The following PEMT variants were observed in gnomAD, a reference collection of about 807,000 sequenced individuals.
The protein encoded by PEMT is phosphatidylethanolamine N-methyltransferase, also known as phospholipid methyltransferase.
PEMT carries 23 observed loss-of-function variants against 27.4 expected under a neutral mutation model. The observed-to-expected ratio is 0.84, with a 90% CI of 0.60 to 1.19. The LOEUF (loss-of-function observed/expected upper bound fraction) is 1.19. Among genes scored for constraint, PEMT ranks in the 50% most tolerant of loss-of-function variants. The pLI is 0.00. For synonymous variants in PEMT, 137 were observed against 139.1 expected, an observed-to-expected ratio of 0.98 and a Z score of 0.11; for missense variants, 307 against 310.1, an observed-to-expected ratio of 0.99 and a Z score of 0.07.
At chr17:17,591,723 C>A (rs548319269), upstream of PEMT, 40 of 1,491,848 alleles carry the variant, frequency 2.7e-5, no homozygotes, top group Non-Finnish European at 3.5e-5. Flanking sequence ...CCAGTCGGGG[C>A]GCTTTCCCGG....
intron 2 of PEMT, among the ~76,000 whole-genome samples, chr17:17,568,577 G>C (rs1910984763): frequency 6.6e-6 from 1 of 152,190 alleles, no homozygotes; most frequent in Admixed American, 6.5e-5. Context: ...CCGATGCCCA[G>C]GAAGGGGATG....
chr17:17,582,463 T>TTGTG lies in PEMT; in HGVS notation c.97-5440_97-5437dup. ...ATCTGCAGTGGGTCAACATGTCACA[T>TTGTG]TGTGACACATGGACAAACAGCAGGC... On this transcript the variant is annotated intron_variant, in intron 1 of 6. Transcript: ENST00000255389. The surrounding 1 kb of genome is among the most constrained non-coding windows in gnomAD (Gnocchi z 4.9). 2 of 979,338 alleles carry TTGTG rather than the reference T, an allele frequency of 2.0e-6. No individual in the cohort carries two copies. Among genetic ancestry groups the TTGTG allele is most frequent in the Non-Finnish European group, 2.4e-6 (2 of 824,360 alleles). 60.7% of individuals were successfully genotyped at this position (979,338 alleles called of 1,614,324 possible). A position where few individuals can be genotyped will look rare whatever the true frequency, so the allele number is the denominator to read the frequency against.
chr17:17,520,457 C>A (rs1487429770), intron 3 of PEMT, among the ~76,000 whole-genome samples: 1 of 152,232 alleles, frequency 6.6e-6, no homozygotes, highest in Non-Finnish European at 1.5e-5. Flanking sequence ...GCTGTAAAAC[C>A]TCGGGCAACC....
chr17:17,586,501 T>G lies in PEMT; in HGVS notation c.96+5030A>C, dbSNP rs112693667. ...GTATGCTCCCAAACCACCACAGAATTAAACTCGAAATCAGTCACAGAAAGC... is the reference window on the plus strand; with the variant it reads ...GTATGCTCCCAAACCACCACAGAATGAAACTCGAAATCAGTCACAGAAAGC... On this transcript the variant is annotated intron_variant, in intron 1 of 6. Coordinates refer to ENST00000255389, the MANE Select transcript of PEMT (RefSeq NM_148172.3). 1.4e-3 allele frequency among the ~76,000 whole-genome samples: 216 copies of G among 152,134 alleles called. 1 individual carries two copies. The highest frequency in any genetic ancestry group is 6.8e-3 in the Middle Eastern group (2 of 294).
chr17:17,506,257 A>G lies in PEMT; in HGVS notation c.623T>C (p.Leu208Pro). Residue 208 changes from leucine (L) to proline (P), a missense_variant, in exon 6 of 7, where the codon CTC becomes CCC. Leu to Pro is a moderately conservative substitution (Grantham distance 98, BLOSUM62 -3). Transcript: ENST00000255389. ...TGLLLTVLVA[L>P]TYIVALLYEE... ...GTATAGGAGAGCCACTATGTAGGTG[A>G]GGGCCACCAGCACCGTCAGGAGCAG... 2 of 1,584,650 alleles carry G rather than the reference A, an allele frequency of 1.3e-6. No individual in the cohort carries two copies. The highest frequency in any genetic ancestry group is 1.7e-6 in the Non-Finnish European group (2 of 1,164,784).
chr17:17,541,969 C>CTCTTTTT (rs542612851), intron 2 of PEMT, among the ~76,000 whole-genome samples: 1 of 152,230 alleles, frequency 6.6e-6, no homozygotes, highest in Non-Finnish European at 1.5e-5. Flanking sequence ...GCCCACCTTC[C>CTCTTTTT]TCTTTTTTCT....
chr17:17,591,345 ACG>A (rs1912576014), intron 1 of PEMT, 184 bp downstream of exon 1: 1 of 572,730 alleles, frequency 1.7e-6, no homozygotes, highest in East Asian at 3.0e-5. Context: ...GCGCGCGCAC[ACG>A]CACACACACA....
rs576843045 is a variant in PEMT, at chr17:17,588,894, A to C, written c.96+2637T>G. ...GGGCAACAAGGAGCAAAAGGGCCTT[A>C]GTCAGTGGGGCTGCAGCGGGCACAC... On this transcript the variant is annotated intron_variant, in intron 1 of 6. Coordinates refer to ENST00000255389, the MANE Select transcript of PEMT (RefSeq NM_148172.3). Among the ~76,000 whole-genome samples the C allele has an allele frequency of 1.9e-3, 283 of 152,348 alleles. 2 individuals are homozygous for C. Among genetic ancestry groups the C allele is most frequent in the Non-Finnish European group, 3.6e-3 (248 of 68,014 alleles).
intron 2 of PEMT, among the ~76,000 whole-genome samples, chr17:17,541,052 A>G (rs8081961): frequency 0.13 from 19,987 of 152,224 alleles, 2,331 homozygotes; most frequent in African/African-American, 0.31. Context: ...CTCGGCTGAG[A>G]CGGGGACAGA....
At chr17:17,522,442 T>A (rs1347773051) in intron 2 of PEMT, 47 bp from the exon 3 acceptor site, 1 of 1,014,686 alleles carries the variant, frequency 9.9e-7, no homozygotes, top group Non-Finnish European at 1.5e-6. Flanking sequence ...CTGGGGAGAC[T>A]CCAGGGTGGG....
At chr17:17,571,270 C>G (rs900768895) in intron 2 of PEMT, among the ~76,000 whole-genome samples, 5 of 152,052 alleles carry the variant, frequency 3.3e-5, no homozygotes. Flanking sequence ...AAGCAGAATT[C>G]ACAAGAACAG....
intron 1 of PEMT, among the ~76,000 whole-genome samples, chr17:17,584,885 G>A (rs1338351577): frequency 1.3e-5 from 2 of 152,224 alleles, no homozygotes; most frequent in Non-Finnish European, 2.9e-5. Context: ...AATGGTAGAG[G>A]TGCCATGGGA....
At chr17:17,565,868 T>A (rs1910793772) in intron 2 of PEMT, among the ~76,000 whole-genome samples, 1 of 152,252 alleles carries the variant, frequency 6.6e-6, no homozygotes, top group Non-Finnish European at 1.5e-5. Context: ...GAGCAGTGGC[T>A]GAAAGAGGCA....
chr17:17,546,490 A>T (rs1295227574), intron 2 of PEMT, among the ~76,000 whole-genome samples: 1 of 152,230 alleles, frequency 6.6e-6, no homozygotes, highest in Non-Finnish European at 1.5e-5. Context: ...GGGCATGATC[A>T]GGTTTAAGTG....
intron 3 of PEMT, among the ~76,000 whole-genome samples, chr17:17,514,990 C>T (rs553599249): frequency 3.3e-5 from 5 of 152,312 alleles, no homozygotes; most frequent in South Asian, 2.1e-4. Flanking sequence ...GTGCAGGCCT[C>T]GGCCCGGCAG....
intron 2 of PEMT, among the ~76,000 whole-genome samples, chr17:17,538,039 G>A (rs1278593288): frequency 3.9e-5 from 6 of 152,208 alleles, no homozygotes; most frequent in Non-Finnish European, 7.3e-5. Context: ...CGGGACCCAT[G>A]GCATGCCCGT....
intron 2 of PEMT, among the ~76,000 whole-genome samples, chr17:17,541,099 C>T (rs542962966): frequency 6.6e-6 from 1 of 152,298 alleles, no homozygotes; most frequent in African/African-American, 2.4e-5. Flanking sequence ...GATGCATCTG[C>T]ATGTTTATTC....
At position 17,582,432 on chromosome 17, in the gene PEMT, G is replaced by A. The variant is rs1051254402; in HGVS notation, c.97-5405C>T. 7.1e-6 allele frequency: 7 copies of A among 985,320 alleles called. No individual in the cohort carries two copies. Among genetic ancestry groups the A allele is most frequent in the Non-Finnish European group, 7.2e-6 (6 of 829,944 alleles). The allele number at this position is 985,320 out of a possible 1,614,324, so 61.0% of individuals were successfully genotyped here. On this transcript the variant is annotated intron_variant, in intron 1 of 6. Transcript: ENST00000255389. This position sits in a 1 kb window ranked among gnomAD's most constrained non-coding sequence, Gnocchi z 4.9. ...CTCGGGAGCAGCGCTCTGTGGTCAG[G>A]GAATGATCTGCAGTGGGTCAACATG...
rs905853086 is a variant in PEMT, at chr17:17,515,374, G to A, written c.321-2720C>T. Among the ~76,000 whole-genome samples, 29 of 152,202 alleles carry A rather than the reference G, an allele frequency of 1.9e-4. 1 individual carries two copies. The highest frequency in any genetic ancestry group is 1.5e-5 in the Non-Finnish European group (1 of 68,028). On this transcript the variant is annotated intron_variant, in intron 3 of 6. Coordinates refer to ENST00000255389, the MANE Select transcript of PEMT (RefSeq NM_148172.3). ...GATGAAGGGCAGATCCGGGGCCAGG[G>A]AGCGGGTGGGAGAGGCCCCAGATTT...
Sources: gnomAD v4.1 joint callset for allele counts (sites outside exome capture counted in the v4.1 genomes callset) on GRCh38, gnomAD v4.1.1 for gene constraint, Gnocchi (gnomAD v3.1) non-coding constraint, MANE v1.5 for transcripts, NCBI Gene and HGNC (gene_info 2026-07-23, HGNC 2026-07-21) for gene names.